Variants in HYCC2 observed in about 807,000 individuals in gnomAD.
HYCC2 encodes hyccin 2.
the HYCC2 span, among the ~76,000 whole-genome samples, chr2:201,060,061 G>GC: frequency 6.9e-6 from 1 of 144,282 alleles, no homozygotes; most frequent in Non-Finnish European, 1.5e-5. Flanking sequence ...AAGCGGGGGG[G>GC]GGGGGGTTCT....
the HYCC2 span, among the ~76,000 whole-genome samples, chr2:201,067,433 A>G: frequency 1.3e-5 from 2 of 152,188 alleles, no homozygotes; most frequent in African/African-American, 4.8e-5. Context: ...CTTTTTTGGC[A>G]GTTATATTTC....
chr2:201,060,054 C>T, the HYCC2 span, among the ~76,000 whole-genome samples: 4 of 36,604 alleles, frequency 1.1e-4, no homozygotes, highest in South Asian at 1.1e-3. Flanking sequence ...AAAAAAAAAG[C>T]GGGGGGGGGG....
chr2:200,997,219 TAC>T, the HYCC2 span: 1 of 377,844 alleles, frequency 2.6e-6, no homozygotes, highest in South Asian at 3.2e-5. Flanking sequence ...TGAGCCACTG[TAC>T]TCCAGCCTAG....
At chr2:200,995,630 A>ACT in the HYCC2 span, among the ~76,000 whole-genome samples, 1 of 152,210 alleles carries the variant, frequency 6.6e-6, no homozygotes, top group Non-Finnish European at 1.5e-5. Context: ...ACAGCTACAA[A>ACT]AAACTGAAGC....
the HYCC2 span, among the ~76,000 whole-genome samples, chr2:201,069,266 T>C: frequency 2.0e-5 from 3 of 152,228 alleles, no homozygotes; most frequent in East Asian, 1.9e-4. Flanking sequence ...TTTCAAGGTC[T>C]ATTTTAGGGC....
the HYCC2 span, chr2:201,061,506 C>A: frequency 1.3e-5 from 2 of 152,010 alleles, no homozygotes; most frequent in Non-Finnish European, 2.9e-5. Context: ...TGCTGTAGCA[C>A]AACAATCATA....
chr2:200,993,199 A>C, the HYCC2 span, among the ~76,000 whole-genome samples: 1 of 152,334 alleles, frequency 6.6e-6, no homozygotes, highest in East Asian at 1.9e-4. Flanking sequence ...TAAAAATCCG[A>C]AATCTGTGCT....
At chr2:201,019,484 A>C in the HYCC2 span, among the ~76,000 whole-genome samples, 1 of 152,022 alleles carries the variant, frequency 6.6e-6, no homozygotes, top group Non-Finnish European at 1.5e-5. Flanking sequence ...CAGGTGTGGT[A>C]GCTCACGCCT....
At chr2:200,980,057 C>A in the HYCC2 span, 3 of 152,440 alleles carry the variant, frequency 2.0e-5, no homozygotes, top group Non-Finnish European at 2.9e-5. Flanking sequence ...AAGGTCAGTA[C>A]CCCCTGGTAG....
the HYCC2 span, among the ~76,000 whole-genome samples, chr2:201,025,730 T>G: frequency 6.6e-6 from 1 of 150,962 alleles, no homozygotes; most frequent in Admixed American, 6.6e-5. Context: ...TGGGCAAGAG[T>G]TGAGGGTGGA....
the HYCC2 span, among the ~76,000 whole-genome samples, chr2:201,065,408 C>G: frequency 6.6e-6 from 1 of 152,176 alleles, no homozygotes; most frequent in Non-Finnish European, 1.5e-5. Flanking sequence ...AGAATTCACA[C>G]AGGTTTTTAT....
chr2:201,068,004 G>A, the HYCC2 span, among the ~76,000 whole-genome samples: 3 of 152,294 alleles, frequency 2.0e-5, no homozygotes, highest in East Asian at 5.8e-4. Flanking sequence ...GCTATGACAG[G>A]CTGGGTGCAG....
the HYCC2 span, among the ~76,000 whole-genome samples, chr2:201,039,285 C>T: frequency 6.6e-6 from 1 of 152,136 alleles, no homozygotes; most frequent in African/African-American, 2.4e-5. Flanking sequence ...GCACTGTATC[C>T]CAAGTGACAG....
the HYCC2 span, among the ~76,000 whole-genome samples, chr2:201,041,961 T>C: frequency 6.6e-6 from 1 of 152,126 alleles, no homozygotes; most frequent in Admixed American, 6.6e-5. Flanking sequence ...CCCTCCCCTT[T>C]GCACGGTCCT....
chr2:200,988,181 T>C, the HYCC2 span: 4 of 1,204,624 alleles, frequency 3.3e-6, no homozygotes, highest in Admixed American at 2.7e-5. Context: ...GGTCTTTTAA[T>C]ATCACGTGCT....
chr2:201,017,301 T>G, the HYCC2 span: 1 of 708,246 alleles, frequency 1.4e-6, no homozygotes, highest in East Asian at 2.8e-5. Flanking sequence ...ACATTTTAAT[T>G]TAACCAAAAC....
At chr2:201,055,423 G>T in the HYCC2 span, among the ~76,000 whole-genome samples, 2 of 151,370 alleles carry the variant, frequency 1.3e-5, no homozygotes, top group Non-Finnish European at 2.9e-5. Flanking sequence ...TCTAGGCTAG[G>T]CGTAGGGGCT....
the HYCC2 span, among the ~76,000 whole-genome samples, chr2:201,033,966 T>C: frequency 6.7e-6 from 1 of 149,884 alleles, no homozygotes; most frequent in East Asian, 1.9e-4. Flanking sequence ...CTGATGACCA[T>C]CCTCTAGTTT....
At chr2:200,987,663 T>C in the HYCC2 span, 2 of 586,998 alleles carry the variant, frequency 3.4e-6, no homozygotes, top group East Asian at 1.4e-4. Context: ...TATAGTTACA[T>C]GTGTGTGCAT....
Sources: gnomAD v4.1 joint callset for allele counts (sites outside exome capture counted in the v4.1 genomes callset) on GRCh38, gnomAD v4.1.1 for gene constraint, MANE v1.5 for transcripts, NCBI Gene and HGNC (gene_info 2026-07-23, HGNC 2026-07-21) for gene names.